CSMD1: variants seen among roughly 807,000 people sequenced by gnomAD.
CSMD1 encodes CUB and Sushi multiple domains 1.
In CSMD1, 213 loss-of-function variants were observed where a neutral mutation model predicts 417.5. The ratio of observed to expected loss-of-function variants is 0.51; its 90% CI spans 0.46 to 0.57. The LOEUF is 0.57. CSMD1 is among the 20% of genes least tolerant of loss of function. The probability of loss-of-function intolerance (pLI) is 0.00; values close to 1 mark genes in which losing one functional copy is unlikely to be tolerated. For missense variants in CSMD1, 6,923 were observed against 4,529.7 expected (o/e 1.53, Z -15.17); for synonymous variants, 2,862 against 1,736.8 (o/e 1.65, Z -16.11).
intron 5 of CSMD1, among the ~76,000 whole-genome samples, chr8:3,905,917 C>G (rs1220843904): frequency 1.3e-5 from 2 of 152,166 alleles, no homozygotes; most frequent in Non-Finnish European, 2.9e-5. Flanking sequence ...TGCAATGGGC[C>G]AATTTATAAC....
chr8:4,449,694 G>C (rs770452790), intron 2 of CSMD1, among the ~76,000 whole-genome samples: 1 of 152,150 alleles, frequency 6.6e-6, no homozygotes, highest in African/African-American at 2.4e-5. Context: ...AAGAGAGGGA[G>C]AGAGAGGGAG....
At chr8:4,961,686 GT>G (rs202016068) in intron 1 of CSMD1, among the ~76,000 whole-genome samples, 6 of 151,378 alleles carry the variant, frequency 4.0e-5, no homozygotes, top group Admixed American at 6.6e-5. Context: ...AATTTTTATT[GT>G]TTTTTTTCTG....
In CSMD1 at chr8:3,553,019, G is replaced by A. The variant is rs1798984941; in HGVS notation, c.1344+21926C>T. ...GTCACGTACTGTCTGTCAATTACTGGTAGTTTTGCAGAAGAATACTGAAGA... is the reference window on the plus strand; with the variant it reads ...GTCACGTACTGTCTGTCAATTACTGATAGTTTTGCAGAAGAATACTGAAGA... On this transcript the variant is annotated intron_variant, in intron 10 of 69. Coordinates refer to ENST00000635120, the MANE Select transcript of CSMD1 (RefSeq NM_033225.6). 2.0e-5 allele frequency among the ~76,000 whole-genome samples: 3 copies of A among 151,616 alleles called. No individual in the cohort carries two copies. In the South Asian group the frequency reaches 6.2e-4, roughly 32 times the overall value.
intron 49 of CSMD1, among the ~76,000 whole-genome samples, chr8:3,080,507 TCTCA>T (rs1184722271): frequency 2.0e-5 from 3 of 152,196 alleles, no homozygotes; most frequent in African/African-American, 7.2e-5. Context: ...GGCTCCATCT[TCTCA>T]CTCACAGACA....
chr8:4,181,448 T>C (rs1323923725), intron 3 of CSMD1, among the ~76,000 whole-genome samples: 1 of 152,046 alleles, frequency 6.6e-6, no homozygotes, highest in East Asian at 1.9e-4. Context: ...AAAAGAACTG[T>C]CTTGGGTCAC....
chr8:4,177,079 C>A (rs1033788969), intron 3 of CSMD1, among the ~76,000 whole-genome samples: 19 of 152,238 alleles, frequency 1.2e-4, no homozygotes, highest in African/African-American at 4.6e-4. Context: ...ACCAAGCGGA[C>A]CTAATAGACA....
intron 2 of CSMD1, among the ~76,000 whole-genome samples, chr8:4,432,819 T>A (rs959780763): frequency 4.6e-5 from 7 of 152,142 alleles, no homozygotes; most frequent in African/African-American, 1.7e-4. Context: ...CAACCAACAA[T>A]TTAGATTTCT....
intron 7 of CSMD1, among the ~76,000 whole-genome samples, chr8:3,620,306 G>A (rs999597665): frequency 6.8e-6 from 1 of 147,838 alleles, no homozygotes; most frequent in South Asian, 2.1e-4. Context: ...GAAATGAAAG[G>A]GCACTACACA....
intron 5 of CSMD1, among the ~76,000 whole-genome samples, chr8:3,905,460 G>A (rs948490588): frequency 4.6e-5 from 7 of 152,168 alleles, no homozygotes; most frequent in South Asian, 2.1e-4. Flanking sequence ...CCCCCAACAC[G>A]GGTCCAATGA....
At chr8:3,641,385 T>A (rs994723194) in intron 7 of CSMD1, among the ~76,000 whole-genome samples, 1 of 152,178 alleles carries the variant, frequency 6.6e-6, no homozygotes, top group African/African-American at 2.4e-5. Context: ...AACGTCAGAC[T>A]GAGCAGATCT....
chr8:3,520,039 T>TATATATATATATACACACAC (rs545212684), intron 10 of CSMD1, among the ~76,000 whole-genome samples: 83 of 147,178 alleles, frequency 5.6e-4, no homozygotes, highest in African/African-American at 2.0e-3. Flanking sequence ...TATATATATA[T>TATATATATATATACACACAC]ACACGTATAG....
intron 3 of CSMD1, among the ~76,000 whole-genome samples, chr8:4,066,766 G>A (rs1175562475): frequency 3.3e-5 from 5 of 152,104 alleles, no homozygotes; most frequent in East Asian, 1.9e-4. Flanking sequence ...AAGCAAATAC[G>A]GAAAGGGGCG....
intron 5 of CSMD1, among the ~76,000 whole-genome samples, chr8:3,832,190 G>C (rs1585060913): frequency 1.3e-5 from 2 of 152,146 alleles, no homozygotes; most frequent in African/African-American, 4.8e-5. Flanking sequence ...TGGAGGCTGA[G>C]TCACGTGGGA....
chr8:4,234,411 C>G (rs571344149), intron 3 of CSMD1, among the ~76,000 whole-genome samples: 39 of 152,234 alleles, frequency 2.6e-4, no homozygotes, highest in Middle Eastern at 6.8e-3. Context: ...CCACCTCAGT[C>G]TGCTCTTCCA....
At chr8:3,228,572 G>A (rs1049987304) in intron 27 of CSMD1, among the ~76,000 whole-genome samples, 2 of 152,048 alleles carry the variant, frequency 1.3e-5, no homozygotes, top group Non-Finnish European at 2.9e-5. Flanking sequence ...GGTGCGTATT[G>A]GACTACCTAG....
At chr8:4,601,282 A>G (rs1800566105) in intron 2 of CSMD1, among the ~76,000 whole-genome samples, 1 of 152,192 alleles carries the variant, frequency 6.6e-6, no homozygotes, top group Non-Finnish European at 1.5e-5. Flanking sequence ...GCATGAGAAT[A>G]AGACAGGGAG....
chr8:4,932,455 T>A (rs1234399209), intron 1 of CSMD1, among the ~76,000 whole-genome samples: 1 of 152,166 alleles, frequency 6.6e-6, no homozygotes, highest in Non-Finnish European at 1.5e-5. Context: ...CAGTTTGTCT[T>A]AAAGAGAAAT....
intron 23 of CSMD1, among the ~76,000 whole-genome samples, chr8:3,330,497 A>G (rs934582164): frequency 3.9e-5 from 6 of 152,246 alleles, no homozygotes; most frequent in Non-Finnish European, 7.3e-5. Context: ...AGGCAGAAAC[A>G]GGAAACCAAA....
rs118108862 is a variant in CSMD1 at position 3,908,147 on chromosome 8, C to A, written c.818+89756G>T. Among the ~76,000 whole-genome samples the A allele has an allele frequency of 5.5e-4, 84 of 152,258 alleles. No homozygotes were observed. The East Asian group carries it at 0.015, about 26-fold the overall frequency. On this transcript the variant is annotated intron_variant, in intron 5 of 69. Transcript: ENST00000635120. ...GAGAATAACAAATACATGGCAATCA[C>A]TATAAACCTGCATTTATGCATCAAT... is the stretch of plus-strand genomic sequence containing the variant.
Sources: gnomAD v4.1 joint callset for allele counts (sites outside exome capture counted in the v4.1 genomes callset) on GRCh38, gnomAD v4.1.1 for gene constraint, MANE v1.5 for transcripts, NCBI Gene and HGNC (gene_info 2026-07-23, HGNC 2026-07-21) for gene names.